LRFN2: variants seen among roughly 807,000 people sequenced by gnomAD.
LRFN2 encodes the protein leucine rich repeat and fibronectin type III domain containing 2.
In LRFN2, 18 loss-of-function variants were observed where a neutral mutation model predicts 37.3. That is an observed-to-expected ratio of 0.48 (90% CI 0.33 to 0.72). LRFN2 has a LOEUF of 0.72. Among genes scored for constraint, LRFN2 ranks in the 30% least tolerant of loss-of-function variants. The pLI is 0.02. For missense variants in LRFN2, 1,006 were observed against 1,060.7 expected (o/e 0.95, Z 0.72); for synonymous variants, 556 against 466.6 (o/e 1.19, Z -2.47).
chr6:40,424,073 T>C lies in LRFN2; in HGVS notation c.1400+7641A>G, dbSNP rs139470130. On this transcript the variant is annotated intron_variant, in intron 2 of 2. Coordinates refer to ENST00000338305, the MANE Select transcript of LRFN2 (RefSeq NM_020737.3). The stretch of plus-strand genomic sequence containing the variant: ...ACTTCTGACTCCAGAGTCATCTTTT[T>C]CTGTGATGCCTCTAGCAACTTTGTC... Among the ~76,000 whole-genome samples, 170 of 152,336 alleles carry C rather than the reference T, an allele frequency of 1.1e-3. 1 individual carries two copies. The highest frequency in any genetic ancestry group is 3.8e-3 in the African/African-American group (160 of 41,582).
chr6:40,533,965 C>G (rs1239476012), intron 1 of LRFN2, among the ~76,000 whole-genome samples: 1 of 152,234 alleles, frequency 6.6e-6, no homozygotes, highest in East Asian at 1.9e-4. Flanking sequence ...AGGCATTGCT[C>G]CAAGTTCTTC....
chr6:40,472,195 C>A (rs1764614537), intron 1 of LRFN2, among the ~76,000 whole-genome samples: 1 of 152,226 alleles, frequency 6.6e-6, no homozygotes, highest in African/African-American at 2.4e-5. Context: ...CTTCCCTCCA[C>A]CTTCCCTCCA....
At chr6:40,477,960 C>A (rs1206044504) in intron 1 of LRFN2, among the ~76,000 whole-genome samples, 2 of 152,192 alleles carry the variant, frequency 1.3e-5, no homozygotes, top group African/African-American at 2.4e-5. Flanking sequence ...CGCAGCAAAC[C>A]GTGAATATGG....
At chr6:40,429,270 C>T (rs1332503770) in intron 2 of LRFN2, among the ~76,000 whole-genome samples, 1 of 152,238 alleles carries the variant, frequency 6.6e-6, no homozygotes, top group Non-Finnish European at 1.5e-5. Context: ...CTGTCCTCCT[C>T]CTCCCAGTAT....
chr6:40,393,241 A>G (rs1762551440), intron 2 of LRFN2, among the ~76,000 whole-genome samples: 1 of 151,952 alleles, frequency 6.6e-6, no homozygotes, highest in African/African-American at 2.4e-5. Flanking sequence ...GGGACAGGTT[A>G]GGGTGGAAAG....
At chr6:40,558,989 G>A (rs1390157191) in intron 1 of LRFN2, among the ~76,000 whole-genome samples, 1 of 152,160 alleles carries the variant, frequency 6.6e-6, no homozygotes, top group African/African-American at 2.4e-5. Context: ...AAGGCTAGCT[G>A]GGAAGGCAAC....
Position 40,392,709 on chromosome 6 carries a change from A to T in LRFN2, c.1604T>A (p.Ile535Asn). ...MHSQILGGTM[I>N]LVIGGIIVAT... ...CACGATGATGCCCCCGATGACCAGG[A>T]TCATGGTGCCGCCCAGAATCTGGCT... The change falls in exon 3 of 3, where the codon ATC becomes AAC. Residue 535 changes from isoleucine (I) to asparagine (N), a missense_variant. By Grantham distance (149) the Ile-to-Asn change is moderately radical. Transcript: ENST00000338305. This position sits in a 1 kb window ranked among gnomAD's most constrained non-coding sequence, Gnocchi z 4.7. The T allele has an allele frequency of 3.7e-6, 6 of 1,614,074 alleles. No individual in the cohort carries two copies. The highest frequency in any genetic ancestry group is 5.1e-6 in the Non-Finnish European group (6 of 1,179,978).
chr6:40,395,058 C>T (rs545203120), intron 2 of LRFN2, among the ~76,000 whole-genome samples: 75 of 149,752 alleles, frequency 5.0e-4, no homozygotes, highest in Non-Finnish European at 8.7e-4. Context: ...GTGTTTGGGG[C>T]AGAAGAGGCC....
intron 1 of LRFN2, among the ~76,000 whole-genome samples, chr6:40,563,357 G>C (rs1423643039): frequency 6.6e-6 from 1 of 152,156 alleles, no homozygotes; most frequent in African/African-American, 2.4e-5. Flanking sequence ...CCTCTGGGGG[G>C]CCCTCCAGGG....
chr6:40,410,255 T>C (rs1249592959), intron 2 of LRFN2, among the ~76,000 whole-genome samples: 1 of 152,180 alleles, frequency 6.6e-6, no homozygotes, highest in Admixed American at 6.5e-5. Context: ...TGTTCAGCCT[T>C]GAGCAATTCA....
At chr6:40,481,153 G>A (rs985402165) in intron 1 of LRFN2, among the ~76,000 whole-genome samples, 6 of 152,080 alleles carry the variant, frequency 3.9e-5, no homozygotes, top group African/African-American at 1.4e-4. Flanking sequence ...AGCATTTATT[G>A]GGCCCAGTGC....
intron 1 of LRFN2, among the ~76,000 whole-genome samples, chr6:40,517,130 A>G (rs1434352169): frequency 6.6e-6 from 1 of 151,918 alleles, no homozygotes; most frequent in Non-Finnish European, 1.5e-5. Flanking sequence ...AACTGGCTTC[A>G]CTCTCCTCAT....
intron 1 of LRFN2, among the ~76,000 whole-genome samples, chr6:40,509,723 T>C (rs546557812): frequency 6.1e-4 from 87 of 141,712 alleles, no homozygotes; most frequent in Non-Finnish European, 9.4e-4. Flanking sequence ...GCTGCACAAG[T>C]AGGAGAGCTG....
intron 1 of LRFN2, among the ~76,000 whole-genome samples, chr6:40,436,408 A>G (rs1231763995): frequency 6.6e-6 from 1 of 152,220 alleles, no homozygotes; most frequent in African/African-American, 2.4e-5. Context: ...ATTGCTGCAT[A>G]TAACACATGG....
chr6:40,490,739 C>G (rs892962903), intron 1 of LRFN2, among the ~76,000 whole-genome samples: 1 of 152,236 alleles, frequency 6.6e-6, no homozygotes, highest in African/African-American at 2.4e-5. Flanking sequence ...TCAGAGAAGC[C>G]TGCCACCAGA....
chr6:40,551,957 A>G (rs952566141), intron 1 of LRFN2, among the ~76,000 whole-genome samples: 6 of 151,618 alleles, frequency 4.0e-5, no homozygotes, highest in Admixed American at 1.3e-4. Context: ...AAGCCCAAAG[A>G]AAAAAAAAGA....
chr6:40,486,461 G>C (rs904130421), intron 1 of LRFN2, among the ~76,000 whole-genome samples: 1 of 152,154 alleles, frequency 6.6e-6, no homozygotes, highest in Non-Finnish European at 1.5e-5. Context: ...AGTTAGTGGG[G>C]CTTTATGGCA....
At chr6:40,436,594 C>T (rs557744629) in intron 1 of LRFN2, among the ~76,000 whole-genome samples, 3 of 152,222 alleles carry the variant, frequency 2.0e-5, no homozygotes, top group East Asian at 3.9e-4. Context: ...GAGCACCTGC[C>T]CACCCTGCCA....
intron 1 of LRFN2, among the ~76,000 whole-genome samples, chr6:40,544,015 G>A (rs1430616897): frequency 1.3e-5 from 2 of 152,206 alleles, no homozygotes; most frequent in African/African-American, 4.8e-5. Context: ...GGCATGTCTG[G>A]CTGCCAACCA....
Sources: allele counts gnomAD v4.1 joint callset (sites outside exome capture counted in the v4.1 genomes callset), GRCh38; gene constraint gnomAD v4.1.1; non-coding constraint Gnocchi (gnomAD v3.1); transcripts MANE v1.5; gene names NCBI Gene and HGNC (gene_info 2026-07-23, HGNC 2026-07-21).